Variants in LRRC3B observed in about 807,000 individuals in gnomAD.
LRRC3B encodes leucine rich repeat containing 3B.
Under a neutral mutation model 12.8 loss-of-function variants are expected in LRRC3B, and 2 were observed. The ratio of observed to expected loss-of-function variants is 0.16; its 90% CI spans 0.06 to 0.49. LRRC3B has a LOEUF of 0.49. LRRC3B is among the 20% of genes least tolerant of loss of function. The pLI is 0.96. For synonymous variants in LRRC3B, 132 were observed against 122.0 expected (o/e 1.08, Z -0.54); for missense variants, 189 against 319.4 (o/e 0.59, Z 3.11).
intron 1 of LRRC3B, chr3:26,623,912 G>C (rs1198035980): frequency 6.6e-6 from 1 of 152,422 alleles, no homozygotes; most frequent in Non-Finnish European, 1.5e-5. Context: ...TCGTGCGGTG[G>C]AGGAGGAAGC....
At chr3:26,631,723 C>G (rs1331975765) in intron 1 of LRRC3B, among the ~76,000 whole-genome samples, 1 of 151,152 alleles carries the variant, frequency 6.6e-6, no homozygotes, top group Non-Finnish European at 1.5e-5. Flanking sequence ...AAAATGCCCT[C>G]TTTTTGTGCA....
At chr3:26,678,056 A>AGTTGGCAGG (rs1699897398) in intron 1 of LRRC3B, among the ~76,000 whole-genome samples, 1 of 151,918 alleles carries the variant, frequency 6.6e-6, no homozygotes, top group South Asian at 2.1e-4. Flanking sequence ...GGTTCAAGTG[A>AGTTGGCAGG]CCAACCTGCC....
intron 1 of LRRC3B, among the ~76,000 whole-genome samples, chr3:26,684,934 G>C (rs1021570203): frequency 4.3e-5 from 6 of 139,694 alleles, no homozygotes; most frequent in Middle Eastern, 3.5e-3. Flanking sequence ...TCAAACACAG[G>C]TTTCTTTATT....
At chr3:26,637,143 C>T (rs1418230606) in intron 1 of LRRC3B, among the ~76,000 whole-genome samples, 2 of 151,314 alleles carry the variant, frequency 1.3e-5, no homozygotes, top group Admixed American at 6.6e-5. Flanking sequence ...ATTACAGGCG[C>T]CCACCACCAT....
At chr3:26,709,719 T>G in exon 2 of LRRC3B, 1 of 1,614,126 alleles carries the variant, frequency 6.2e-7, no homozygotes, top group Non-Finnish European at 8.5e-7. Flanking sequence ...TCCATGTGTC[T>G]CCTCCTACAA....
At chr3:26,631,203 G>A (rs1200358538) in intron 1 of LRRC3B, among the ~76,000 whole-genome samples, 3 of 152,184 alleles carry the variant, frequency 2.0e-5, no homozygotes, top group African/African-American at 4.8e-5. Flanking sequence ...ATCCTGGCCC[G>A]ATGAACATTC....
chr3:26,625,545 A>T (rs1435526042), intron 1 of LRRC3B: 3 of 152,184 alleles, frequency 2.0e-5, no homozygotes, highest in Non-Finnish European at 4.4e-5. Flanking sequence ...GCACTCCACG[A>T]GATTTAGCTC....
intron 1 of LRRC3B, among the ~76,000 whole-genome samples, chr3:26,707,905 A>G (rs1700642329): frequency 6.6e-6 from 1 of 152,144 alleles, no homozygotes; most frequent in African/African-American, 2.4e-5. Context: ...AGGGCTTAGT[A>G]AGCTTAGGGT....
intron 1 of LRRC3B, among the ~76,000 whole-genome samples, chr3:26,676,084 T>C (rs1372019122): frequency 6.6e-6 from 1 of 152,090 alleles, no homozygotes; most frequent in Non-Finnish European, 1.5e-5. Context: ...TTTTCTTTTT[T>C]TTTAATTATT....
chr3:26,638,519 T>C (rs1698952064), intron 1 of LRRC3B, among the ~76,000 whole-genome samples: 2 of 152,162 alleles, frequency 1.3e-5, no homozygotes, highest in Non-Finnish European at 1.5e-5. Flanking sequence ...TGTCTCAAAG[T>C]GTGAATCAAT....
intron 1 of LRRC3B, among the ~76,000 whole-genome samples, chr3:26,680,954 A>G (rs1476235232): frequency 6.6e-6 from 1 of 152,232 alleles, no homozygotes; most frequent in Non-Finnish European, 1.5e-5. Context: ...ACCAAAGGTA[A>G]CATTGGACAG....
intron 1 of LRRC3B, among the ~76,000 whole-genome samples, chr3:26,692,387 C>T (rs189921418): frequency 6.6e-6 from 1 of 152,284 alleles, no homozygotes; most frequent in African/African-American, 2.4e-5. Flanking sequence ...TGTGAGCAAA[C>T]AATATTTAAA....
At chr3:26,705,102 G>T (rs2370826) in intron 1 of LRRC3B, among the ~76,000 whole-genome samples, 4 of 152,110 alleles carry the variant, frequency 2.6e-5, no homozygotes, top group Non-Finnish European at 5.9e-5. Flanking sequence ...TGAAAAGAAA[G>T]AAATAAGCAG....
chr3:26,672,262 A>T (rs2125433321), intron 1 of LRRC3B, among the ~76,000 whole-genome samples: 1 of 152,322 alleles, frequency 6.6e-6, no homozygotes, highest in African/African-American at 2.4e-5. Context: ...CACAGTCAGT[A>T]CTTTTTTTAC....
chr3:26,651,265 G>A (rs1240849139), intron 1 of LRRC3B, among the ~76,000 whole-genome samples: 3 of 152,208 alleles, frequency 2.0e-5, no homozygotes, highest in African/African-American at 7.2e-5. Context: ...GGTCATCAGA[G>A]ATGGTTATAT....
At chr3:26,627,693 G>A (rs1698659630) in intron 1 of LRRC3B, among the ~76,000 whole-genome samples, 1 of 151,984 alleles carries the variant, frequency 6.6e-6, no homozygotes, top group African/African-American at 2.4e-5. Flanking sequence ...GAATCCCCAA[G>A]ACCCCAGTTA....
At chr3:26,708,517 C>T (rs1700662612) in intron 1 of LRRC3B, among the ~76,000 whole-genome samples, 1 of 146,716 alleles carries the variant, frequency 6.8e-6, no homozygotes, top group East Asian at 2.1e-4. Context: ...GGTAAGTAAC[C>T]TCATCTCTCT....
chr3:26,623,417 G>C (rs1455563808), intron 1 of LRRC3B, among the ~76,000 whole-genome samples, 180 bp downstream of exon 1: 3 of 152,200 alleles, frequency 2.0e-5, no homozygotes, highest in African/African-American at 7.2e-5. Context: ...CTCCTGGAGA[G>C]AGAGAGTCGA....
At chr3:26,689,739 C>T (rs1700152731) in intron 1 of LRRC3B, among the ~76,000 whole-genome samples, 1 of 152,188 alleles carries the variant, frequency 6.6e-6, no homozygotes, top group Admixed American at 6.5e-5. Flanking sequence ...ATCTTTTAGC[C>T]ATCCAGATCT....
Sources: allele counts gnomAD v4.1 joint callset (sites outside exome capture counted in the v4.1 genomes callset), GRCh38; gene constraint gnomAD v4.1.1; transcripts MANE v1.5; gene names NCBI Gene and HGNC (gene_info 2026-07-23, HGNC 2026-07-21).